RNF20: variants seen among roughly 807,000 people sequenced by gnomAD.
RNF20 encodes ring finger protein 20, also known as E3 ubiquitin-protein ligase BRE1A.
A neutral mutation model predicts 126.2 loss-of-function variants in RNF20; 84 were observed. The observed-to-expected ratio is 0.67, with a 90% CI of 0.56 to 0.80. RNF20 has a LOEUF of 0.80. Ranked by LOEUF, RNF20 falls within the 30% of genes least tolerant of loss-of-function variation. RNF20 has a pLI of 0.00. For synonymous variants in RNF20, 400 were observed against 414.3 expected (o/e 0.97, Z 0.42); for missense variants, 869 against 1,188.2 (o/e 0.73, Z 3.95).
chr9:101,544,831 G>C lies in RNF20; in HGVS notation c.693G>C (p.Arg231Ser), dbSNP rs1827323488. ...LNSFLAQENMRLQELTDLLQE... is the reference protein window; with the variant it reads ...LNSFLAQENMSLQELTDLLQE... ...CTTTCCTCGCACAGGAGAATATGAG[G>C]CTACAGGAATTGACAGATCTTCTTC... Residue 231 changes from arginine (R) to serine (S), a missense_variant, in exon 6 of 20, where the codon AGG becomes AGC. Physicochemically the swap from Arg to Ser is moderately radical, Grantham distance 110. Around this residue, in one of 8 missense-constraint regions of RNF20, gnomAD observed 103 missense variants for 94.3 expected, o/e 1.09. Transcript: ENST00000389120. 2 of 1,613,910 alleles carry C rather than the reference G, an allele frequency of 1.2e-6. No homozygotes were observed. Among genetic ancestry groups the C allele is most frequent in the African/African-American group, 1.3e-5 (1 of 74,934 alleles).
Position 101,562,492 on chromosome 9 carries a change from T to G in RNF20, c.*70T>G. On this transcript the variant is annotated 3_prime_UTR_variant, in exon 20 of 20. Transcript: ENST00000389120. ...TCATTAACCACCAAACCTCTACCTC[T>G]TCTCTCCTTGACTGTCACCTGTAGG... 1 of 1,441,478 alleles carries G rather than the reference T, an allele frequency of 6.9e-7. No homozygotes were observed. The highest frequency in any genetic ancestry group is 9.4e-7 in the Non-Finnish European group (1 of 1,064,550). 89.3% of individuals were successfully genotyped at this position (1,441,478 alleles called of 1,614,324 possible). A position where few individuals can be genotyped will look rare whatever the true frequency, so the allele number is the denominator to read the frequency against.
chr9:101,556,404 C>T (rs983010334), intron 15 of RNF20, among the ~76,000 whole-genome samples: 1 of 151,990 alleles, frequency 6.6e-6, no homozygotes, highest in Non-Finnish European at 1.5e-5. Flanking sequence ...ACACATGATA[C>T]TTATTATGTG....
At chr9:101,540,464 T>C (rs775808071) in intron 3 of RNF20, 26 bp from the exon 4 acceptor site, 2 of 1,612,020 alleles carry the variant, frequency 1.2e-6, no homozygotes, top group East Asian at 4.5e-5. Flanking sequence ...CTTTGTTTCT[T>C]CATAATTGTA....
intron 17 of RNF20, 63 bp downstream of exon 17, chr9:101,560,989 G>A (rs1203151400): frequency 6.3e-7 from 1 of 1,598,670 alleles, no homozygotes; most frequent in Non-Finnish European, 8.5e-7. Flanking sequence ...ACACTGTTGA[G>A]ATTGTAAGTT....
At chr9:101,539,896 T>A (rs569330692) in intron 2 of RNF20, among the ~76,000 whole-genome samples, 2 of 151,922 alleles carry the variant, frequency 1.3e-5, no homozygotes, top group East Asian at 3.9e-4. Context: ...CAGTGTTGAT[T>A]GGAGTCGAGG....
chr9:101,547,674 A>G (rs563676492), intron 9 of RNF20, among the ~76,000 whole-genome samples, 156 bp downstream of exon 9: 9 of 152,234 alleles, frequency 5.9e-5, no homozygotes, highest in Non-Finnish European at 1.3e-4. Context: ...AATTAGGTGT[A>G]AAGAAGTGTA....
intron 8 of RNF20, 67 bp from the exon 9 acceptor site, chr9:101,547,332 G>A: frequency 6.2e-7 from 1 of 1,608,166 alleles, no homozygotes; most frequent in African/African-American, 1.3e-5. Flanking sequence ...AATCAGTGAA[G>A]AAAGGAAGCT....
chr9:101,562,433 GAGA>G lies in RNF20; in HGVS notation c.*18_*20del. 2 of 1,607,702 alleles carry G rather than the reference GAGA, an allele frequency of 1.2e-6. No homozygotes were observed. Among genetic ancestry groups the G allele is most frequent in the Non-Finnish European group, 1.7e-6 (2 of 1,176,946 alleles). On this transcript the variant is annotated 3_prime_UTR_variant, in exon 20 of 20. Coordinates refer to ENST00000389120, the MANE Select transcript of RNF20 (RefSeq NM_019592.7). ...ATCTACATTGGTTGATCTAAGTCAA[GAGA>G]AGAAGAGGAGCTGGCTAGTCAGGAA...
At chr9:101,555,362 A>G (rs1325842876) in intron 15 of RNF20, among the ~76,000 whole-genome samples, 1 of 152,102 alleles carries the variant, frequency 6.6e-6, no homozygotes, top group African/African-American at 2.4e-5. Flanking sequence ...AACATTGATT[A>G]AGCAGTATGT....
rs1459947753 is a variant in RNF20, at chr9:101,547,529, A to G, written c.1092+11A>G. 1 of 1,613,724 alleles carries G rather than the reference A, an allele frequency of 6.2e-7. No individual in the cohort carries two copies. Among genetic ancestry groups the G allele is most frequent in the East Asian group, 2.2e-5 (1 of 44,876 alleles). On this transcript the variant is annotated intron_variant, in intron 9 of 19. Transcript: ENST00000389120. ...AATGAAAAGCTGAAGGTAGGAACGC[A>G]TCCCTGAAGGGCAGTAAAATCAGAC...
At position 101,545,902 on chromosome 9, in the gene RNF20, A is replaced by T. The variant is rs374871062; in HGVS notation, c.748-918A>T. On this transcript the variant is annotated intron_variant, in intron 6 of 19. Coordinates refer to ENST00000389120, the MANE Select transcript of RNF20 (RefSeq NM_019592.7). ...TGTTGGCTCTCATGGCTGGCTGTTGATGCTGCCTGTCAGCTGGGTTAATTG... is the reference window on the plus strand; with the variant it reads ...TGTTGGCTCTCATGGCTGGCTGTTGTTGCTGCCTGTCAGCTGGGTTAATTG... 1.1e-3 allele frequency among the ~76,000 whole-genome samples: 168 copies of T among 152,178 alleles called. 1 individual carries two copies. The Middle Eastern group carries it at 0.031, about 28-fold the overall frequency.
Position 101,563,270 on chromosome 9 carries a change from C to G in RNF20, c.*848C>G, listed in dbSNP as rs1287910922. ...ACAGGGTTGTTGTGATCCCTCTTTTCCAGAAAATTCTGTGGAATGTTTCTG... is the reference window on the plus strand; with the variant it reads ...ACAGGGTTGTTGTGATCCCTCTTTTGCAGAAAATTCTGTGGAATGTTTCTG... On this transcript the variant is annotated 3_prime_UTR_variant, in exon 20 of 20. Coordinates refer to ENST00000389120, the MANE Select transcript of RNF20 (RefSeq NM_019592.7). 6.6e-6 allele frequency: 1 copy of G among 152,576 alleles called. No individual in the cohort carries two copies. The highest frequency in any genetic ancestry group is 1.5e-5 in the Non-Finnish European group (1 of 68,024). 9.5% of individuals were successfully genotyped at this position (152,576 alleles called of 1,614,324 possible).
At chr9:101,535,801 A>G (rs1721247875) in intron 2 of RNF20, among the ~76,000 whole-genome samples, 1 of 152,216 alleles carries the variant, frequency 6.6e-6, no homozygotes, top group South Asian at 2.1e-4. Flanking sequence ...CTGATACAAC[A>G]TTAACTATAG....
chr9:101,543,538 G>A (rs1340037195), intron 5 of RNF20, among the ~76,000 whole-genome samples: 2 of 145,016 alleles, frequency 1.4e-5, no homozygotes, highest in African/African-American at 5.2e-5. Flanking sequence ...CCCTGCCAGA[G>A]CGGAACTGTC....
intron 5 of RNF20, 46 bp from the exon 6 acceptor site, chr9:101,544,721 A>AG: frequency 7.5e-7 from 1 of 1,338,692 alleles, no homozygotes; most frequent in Non-Finnish European, 1.1e-6. Context: ...AAAAAAAAAA[A>AG]ATGACACTCT....
Position 101,552,442 on chromosome 9 carries a change from G to A in RNF20, c.1590G>A (p.Lys530=), listed in dbSNP as rs1200049176. 1.2e-6 allele frequency: 2 copies of A among 1,612,332 alleles called. No homozygotes were observed. The highest frequency in any genetic ancestry group is 2.2e-5 in the South Asian group (2 of 91,038). ...LQSQSSTEDP[K]DEPAELKPDS... ...CCCAGTCTAGTACTGAGGACCCGAA[G>A]GATGAGCCTGCGGAGCTAAAACCAG... is the stretch of plus-strand genomic sequence containing the variant. The change falls in exon 13 of 20, where the codon AAG becomes AAA. Residue 530 remains lysine (K), a synonymous_variant. Coordinates refer to ENST00000389120, the MANE Select transcript of RNF20 (RefSeq NM_019592.7).
In RNF20 at chr9:101,547,416, A is replaced by C; in HGVS notation, c.990A>C (p.Ala330=). The C allele has an allele frequency of 6.2e-7, 1 of 1,614,190 alleles. No homozygotes were observed. Among genetic ancestry groups the C allele is most frequent in the Non-Finnish European group, 8.5e-7 (1 of 1,180,012 alleles). The part of the protein sequence containing the change: ...INARKFEEMN[A]ELEENKELAQ... ...CTCTGCAGTTTGAGGAAATGAATGC[A>C]GAGCTTGAGGAGAACAAAGAGTTGG... Residue 330 remains alanine (A), a synonymous_variant, in exon 9 of 20, where the codon GCA becomes GCC. Coordinates refer to ENST00000389120, the MANE Select transcript of RNF20 (RefSeq NM_019592.7).
intron 19 of RNF20, 98 bp from the exon 20 acceptor site, chr9:101,562,148 G>T: frequency 7.3e-7 from 1 of 1,370,166 alleles, no homozygotes; most frequent in Non-Finnish European, 1.0e-6. Flanking sequence ...TCTTTTTTTA[G>T]TGCCTTGTGG....
At chr9:101,542,572 A>G (rs1456557432) in intron 5 of RNF20, among the ~76,000 whole-genome samples, 1 of 152,200 alleles carries the variant, frequency 6.6e-6, no homozygotes, top group Admixed American at 6.5e-5. Flanking sequence ...GTCACCTAAT[A>G]TAAAATAATG....
Sources: gnomAD v4.1 joint callset for allele counts (sites outside exome capture counted in the v4.1 genomes callset) on GRCh38, gnomAD v4.1.1 for gene constraint, gnomAD v4.1.1 regional missense constraint, MANE v1.5 for transcripts, NCBI Gene and HGNC (gene_info 2026-07-23, HGNC 2026-07-21) for gene names.